Variants in GYG2 observed in about 807,000 individuals in gnomAD.
The protein encoded by GYG2 is glycogenin 2.
Under a neutral mutation model 29.4 loss-of-function variants are expected in GYG2, and 29 were observed. The observed-to-expected ratio is 0.99, with a 90% CI of 0.74 to 1.35. The LOEUF (loss-of-function observed/expected upper bound fraction) is 1.35. Ranked by LOEUF, GYG2 falls within the 40% of genes most tolerant of loss-of-function variation. GYG2 has a pLI of 0.00. For missense variants in GYG2, 370 were observed against 385.7 expected (o/e 0.96, Z 0.34); for synonymous variants, 167 against 172.3 (o/e 0.97, Z 0.24).
At chrX:2,845,058 CGT>C (rs1440224879) in intron 3 of GYG2, among the ~76,000 whole-genome samples, 3 of 53,599 alleles carry the variant, frequency 5.6e-5, no homozygotes, top group Admixed American at 1.8e-4. Flanking sequence ...TATATATACA[CGT>C]GTGTATGTAT....
In GYG2 at chrX:2,859,945, G is replaced by A. The variant is rs755250288; in HGVS notation, c.717G>A (p.Ala239=). ...GCTCGGTGTTGGAGCAAGGCTCAGC[G>A]TCCAGCAGCCAGCACCAGGCGGCAT... ...QSGSVLEQGS[A]SSSQHQAAFL... The change falls in exon 7 of 11, where the codon GCG becomes GCA. Residue 239 remains alanine (A), a synonymous_variant. Transcript: ENST00000398806. The A allele has an allele frequency of 3.3e-6, 4 of 1,198,741 alleles. No homozygotes were observed. In the South Asian group the frequency reaches 7.1e-5, roughly 21 times the overall value.
intron 8 of GYG2, among the ~76,000 whole-genome samples, chrX:2,862,524 A>G (rs1374029638): frequency 9.0e-6 from 1 of 111,327 alleles, no homozygotes; most frequent in African/African-American, 3.3e-5. Flanking sequence ...GCATCCTGAG[A>G]GGTTTCAGCC....
Position 2,830,086 on chromosome X carries a change from G to T in GYG2, c.-103G>T. 1.2e-6 allele frequency: 1 copy of T among 809,908 alleles called. No homozygotes were observed. The allele number at this position is 809,908 out of a possible 1,213,427, so 66.7% of individuals were successfully genotyped here. ...GCCTGGAAATCCACGCGGATTCCCGGAGACGGCGCCTCTGCTCTGCGGGTT... is the reference window on the plus strand; with the variant it reads ...GCCTGGAAATCCACGCGGATTCCCGTAGACGGCGCCTCTGCTCTGCGGGTT... On this transcript the variant is annotated 5_prime_UTR_variant, in exon 2 of 11. Transcript: ENST00000398806.
chrX:2,869,219 T>C (rs1001745866), intron 8 of GYG2, among the ~76,000 whole-genome samples: 3 of 112,389 alleles, frequency 2.7e-5, no homozygotes, highest in Non-Finnish European at 3.8e-5. Context: ...GGTATCAACA[T>C]AGCATGTGCA....
At chrX:2,876,617 A>C (rs969514115) in intron 9 of GYG2, among the ~76,000 whole-genome samples, 5 of 111,502 alleles carry the variant, frequency 4.5e-5, no homozygotes, top group African/African-American at 1.6e-4. Flanking sequence ...CATTCCCAGA[A>C]AAGAAGATCG....
rs754547902 is a variant in GYG2 at position 2,861,642 on chromosome X, C to A, written c.958C>A (p.Gln320Lys). ...TGCAAATTCACCACTGGGTTCTAACCAGCCTGCTCAGGGCCTTCCGGAGCC... is the reference window on the plus strand; with the variant it reads ...TGCAAATTCACCACTGGGTTCTAACAAGCCTGCTCAGGGCCTTCCGGAGCC... Reference protein sequence around the residue: ...PCANSPLGSNQPAQGLPEPTQ... With the variant: ...PCANSPLGSNKPAQGLPEPTQ... The change falls in exon 8 of 11, where the codon CAG becomes AAG. Residue 320 changes from glutamine (Q) to lysine (K), a missense_variant. By Grantham distance (53) the Gln-to-Lys change is moderately conservative (BLOSUM62 1). Transcript: ENST00000398806. The A allele has an allele frequency of 1.7e-6, 2 of 1,207,090 alleles. No homozygotes were observed. The highest frequency in any genetic ancestry group is 2.2e-6 in the Non-Finnish European group (2 of 892,436).
intron 3 of GYG2, among the ~76,000 whole-genome samples, chrX:2,848,326 G>A (rs1374702011): frequency 9.0e-6 from 1 of 110,828 alleles, no homozygotes; most frequent in African/African-American, 3.3e-5. Context: ...ATCACTTGAG[G>A]TCAGGAGTTC....
intron 2 of GYG2, among the ~76,000 whole-genome samples, chrX:2,841,349 A>G (rs2087495086): frequency 1.1e-5 from 1 of 94,980 alleles, no homozygotes; most frequent in Non-Finnish European, 2.2e-5. Flanking sequence ...GATGGATAAT[A>G]TAGATATTAT....
Position 2,881,151 on chromosome X carries a change from G to A in GYG2, c.1351G>A (p.Asp451Asn). ...ERRKWEEGRI[D>N]YMGKDAFARI... ...GAGGAAGTGGGAGGAAGGCCGTATC[G>A]ACTACATGGGGAAGGACGCGTTTGC... Residue 451 changes from aspartate to asparagine, a missense_variant, in exon 11 of 11, where the codon GAC becomes AAC. By Grantham distance (23) the Asp-to-Asn change is conservative. Coordinates refer to ENST00000398806, the MANE Select transcript of GYG2 (RefSeq NM_001079855.2). The A allele has an allele frequency of 8.3e-7, 1 of 1,206,564 alleles. No homozygotes were observed. The highest frequency in any genetic ancestry group is 1.1e-6 in the Non-Finnish European group (1 of 892,783).
At chrX:2,833,424 T>C (rs2087309341) in intron 2 of GYG2, among the ~76,000 whole-genome samples, 1 of 111,215 alleles carries the variant, frequency 9.0e-6, no homozygotes, top group Admixed American at 9.6e-5. Context: ...TTATCATCCG[T>C]CTATAACACC....
chrX:2,847,750 A>AT, intron 3 of GYG2, among the ~76,000 whole-genome samples: 1 of 109,425 alleles, frequency 9.1e-6, no homozygotes, highest in South Asian at 3.8e-4. Flanking sequence ...AAATAAATAA[A>AT]AATCCACATA....
chrX:2,855,225 G>A, intron 5 of GYG2, 70 bp downstream of exon 5: 3 of 953,255 alleles, frequency 3.1e-6, no homozygotes, highest in Non-Finnish European at 4.4e-6. Flanking sequence ...GTAACACGAA[G>A]TCAGCCGTTG....
intron 8 of GYG2, among the ~76,000 whole-genome samples, chrX:2,870,330 T>G (rs1398248370): frequency 9.0e-6 from 1 of 110,605 alleles, no homozygotes; most frequent in Admixed American, 9.7e-5. Context: ...GCCTCCCAAC[T>G]AGCTGGGACT....
At chrX:2,846,501 G>A (rs1221595045) in intron 3 of GYG2, among the ~76,000 whole-genome samples, 9 of 111,045 alleles carry the variant, frequency 8.1e-5, no homozygotes, top group Non-Finnish European at 1.3e-4. Flanking sequence ...AAATCTTCAG[G>A]GAGGCCAAGG....
At chrX:2,832,580 G>T (rs1297661850) in intron 2 of GYG2, among the ~76,000 whole-genome samples, 12 of 111,169 alleles carry the variant, frequency 1.1e-4, no homozygotes, top group Non-Finnish European at 1.9e-5. Context: ...TGTCGCCCAG[G>T]CTGGAGTGCG....
intron 7 of GYG2, 73 bp downstream of exon 7, chrX:2,860,138 GT>G (rs1214273246): frequency 1.6e-4 from 98 of 620,640 alleles, no homozygotes; most frequent in Non-Finnish European, 1.9e-4. Context: ...GTCTGGCGTG[GT>G]TTTTTTTTGA....
chrX:2,866,927 C>T (rs1238217491), intron 8 of GYG2, among the ~76,000 whole-genome samples: 2 of 111,160 alleles, frequency 1.8e-5, no homozygotes, highest in Non-Finnish European at 3.8e-5. Context: ...CAAATCCCCA[C>T]CCCATCCTCA....
chrX:2,866,554 T>C (rs1342107828), intron 8 of GYG2, among the ~76,000 whole-genome samples: 1 of 110,619 alleles, frequency 9.0e-6, no homozygotes, highest in African/African-American at 3.3e-5. Flanking sequence ...TAGGGAGAGA[T>C]TTGTTAAAGG....
chrX:2,859,802 C>T (rs755266868), intron 6 of GYG2, 41 bp from the exon 7 acceptor site: 3 of 936,758 alleles, frequency 3.2e-6, no homozygotes, highest in Non-Finnish European at 4.6e-6. Flanking sequence ...TCTTTTATCA[C>T]ATCTGAGTGG....
Sources: gnomAD v4.1 joint callset for allele counts (sites outside exome capture counted in the v4.1 genomes callset) on GRCh38, gnomAD v4.1.1 for gene constraint, MANE v1.5 for transcripts, NCBI Gene and HGNC (gene_info 2026-07-23, HGNC 2026-07-21) for gene names.